Variants in CNTNAP2 observed in about 807,000 individuals in gnomAD.
CNTNAP2 encodes contactin-associated protein-like 2.
A neutral mutation model predicts 155.2 loss-of-function variants in CNTNAP2; 98 were observed. The observed-to-expected ratio is 0.63, with a 90% CI of 0.54 to 0.75. CNTNAP2 has a LOEUF of 0.75. Among genes scored for constraint, CNTNAP2 ranks in the 30% least tolerant of loss-of-function variants. The probability of loss-of-function intolerance (pLI) is 0.00; values close to 1 mark genes in which losing one functional copy is unlikely to be tolerated. For missense variants in CNTNAP2, 1,727 were observed against 1,688.1 expected, an observed-to-expected ratio of 1.02 and a Z score of -0.40; for synonymous variants, 651 against 631.2, an observed-to-expected ratio of 1.03 and a Z score of -0.47.
intron 1 of CNTNAP2, among the ~76,000 whole-genome samples, chr7:146,322,060 G>A (rs1184874612): frequency 1.3e-5 from 2 of 152,102 alleles, no homozygotes; most frequent in Non-Finnish European, 2.9e-5. Flanking sequence ...AGGCCACATG[G>A]AAATAAATTC....
intron 1 of CNTNAP2, among the ~76,000 whole-genome samples, chr7:146,254,649 T>C (rs896160761): frequency 1.3e-5 from 2 of 152,196 alleles, no homozygotes; most frequent in Non-Finnish European, 2.9e-5. Flanking sequence ...GGGAAAACAA[T>C]TTATTGTACC....
At chr7:147,556,240 A>C (rs1799950129) in intron 11 of CNTNAP2, among the ~76,000 whole-genome samples, 1 of 149,688 alleles carries the variant, frequency 6.7e-6, no homozygotes, top group Non-Finnish European at 1.5e-5. Context: ...CACTGGAAGC[A>C]CATTAGTTGC....
intron 1 of CNTNAP2, among the ~76,000 whole-genome samples, chr7:146,153,257 A>C (rs1370854233): frequency 2.0e-5 from 3 of 152,192 alleles, no homozygotes; most frequent in African/African-American, 4.8e-5. Context: ...ATTATTAACA[A>C]AACTAATTAT....
At position 148,415,790 on chromosome 7, in the gene CNTNAP2, A is replaced by AC. The variant is rs1799973389; in HGVS notation, c.*174_*175insC. ...TCTTGAGACTGATCACAAAAAAAAA[A>AC]ACCTTTTTAATATTTCTTTATAGCT... On this transcript the variant is annotated 3_prime_UTR_variant, in exon 24 of 24. Coordinates refer to ENST00000361727, the MANE Select transcript of CNTNAP2 (RefSeq NM_014141.6). 1.4e-6 allele frequency: 1 copy of AC among 706,272 alleles called. No individual in the cohort carries two copies. Among genetic ancestry groups the AC allele is most frequent in the South Asian group, 2.0e-5 (1 of 50,602 alleles). The allele number at this position is 706,272 out of a possible 1,614,324, so 43.8% of individuals were successfully genotyped here.
chr7:148,226,638 A>T (rs78879968), intron 19 of CNTNAP2, among the ~76,000 whole-genome samples: 1 of 19,392 alleles, frequency 5.2e-5, no homozygotes, highest in Non-Finnish European at 1.4e-4. Context: ...TGGAAAGGGG[A>T]AAAAAAATGC....
At chr7:147,489,362 G>A (rs1387604049) in intron 11 of CNTNAP2, among the ~76,000 whole-genome samples, 2 of 152,150 alleles carry the variant, frequency 1.3e-5, no homozygotes, top group Non-Finnish European at 2.9e-5. Context: ...CACAGGAAAG[G>A]GAAAGCCAGT....
chr7:147,824,841 G>A (rs148477103), intron 13 of CNTNAP2, among the ~76,000 whole-genome samples: 44 of 152,168 alleles, frequency 2.9e-4, no homozygotes, highest in African/African-American at 1.0e-3. Flanking sequence ...TTGTCTGGGG[G>A]ACACTAGAAA....
At chr7:146,563,214 G>T (rs1302544673) in intron 1 of CNTNAP2, among the ~76,000 whole-genome samples, 1 of 152,134 alleles carries the variant, frequency 6.6e-6, no homozygotes, top group Non-Finnish European at 1.5e-5. Flanking sequence ...CCTTAAATAT[G>T]ACCAATGCTG....
intron 12 of CNTNAP2, among the ~76,000 whole-genome samples, chr7:147,564,337 TTAATC>T (rs1432398938): frequency 6.6e-6 from 1 of 152,108 alleles, no homozygotes; most frequent in Non-Finnish European, 1.5e-5. Flanking sequence ...ACCAGAGAGA[TTAATC>T]TAAGAGTTCA....
chr7:147,738,575 T>C lies in CNTNAP2; in HGVS notation c.2098+99269T>C, dbSNP rs199929669. Among the ~76,000 whole-genome samples, 4 of 152,198 alleles carry C rather than the reference T, an allele frequency of 2.6e-5. No homozygotes were observed. In the East Asian group the frequency reaches 5.8e-4, roughly 22 times the overall value. On this transcript the variant is annotated intron_variant, in intron 13 of 23. Coordinates refer to ENST00000361727, the MANE Select transcript of CNTNAP2 (RefSeq NM_014141.6). ...ATTTTTTTAGCAATGAAGCATTTTT[T>C]AAATTAAGGTATGTACATTTTCTTG...
At chr7:148,293,775 C>G (rs567927596) in intron 21 of CNTNAP2, among the ~76,000 whole-genome samples, 1 of 152,114 alleles carries the variant, frequency 6.6e-6, no homozygotes, top group East Asian at 1.9e-4. Context: ...TGGCTCACAT[C>G]TGTAATCCCA....
chr7:146,330,056 C>G (rs1296213031), intron 1 of CNTNAP2, among the ~76,000 whole-genome samples: 1 of 92,110 alleles, frequency 1.1e-5, no homozygotes, highest in Admixed American at 1.7e-4. Flanking sequence ...GAGTTTCACT[C>G]TTGTTGCCCA....
intron 9 of CNTNAP2, among the ~76,000 whole-genome samples, chr7:147,375,917 G>C (rs1796425538): frequency 6.6e-6 from 1 of 151,958 alleles, no homozygotes; most frequent in Admixed American, 6.6e-5. Flanking sequence ...AGTTCTTCCA[G>C]GTTTGTGATT....
At chr7:147,008,053 A>G (rs1475704471) in intron 3 of CNTNAP2, among the ~76,000 whole-genome samples, 1 of 152,160 alleles carries the variant, frequency 6.6e-6, no homozygotes, top group Non-Finnish European at 1.5e-5. Context: ...ATTATCCACT[A>G]AGGAAACACC....
At chr7:147,605,486 G>T (rs776653250) in intron 12 of CNTNAP2, among the ~76,000 whole-genome samples, 4 of 152,116 alleles carry the variant, frequency 2.6e-5, no homozygotes, top group Non-Finnish European at 4.4e-5. Context: ...GTCGAGCAAA[G>T]GTTACCTTGT....
intron 1 of CNTNAP2, among the ~76,000 whole-genome samples, chr7:146,627,386 G>A (rs1033015296): frequency 1.3e-5 from 2 of 152,134 alleles, no homozygotes; most frequent in African/African-American, 4.8e-5. Context: ...ATTACTTCAT[G>A]TAAAATGAAA....
chr7:146,978,053 T>G (rs1300225822), intron 3 of CNTNAP2, among the ~76,000 whole-genome samples: 1 of 152,206 alleles, frequency 6.6e-6, no homozygotes, highest in African/African-American at 2.4e-5. Context: ...CCCTTGTTTC[T>G]TCCTGTAGAA....
At chr7:146,665,490 GAT>G (rs1290593085) in intron 1 of CNTNAP2, among the ~76,000 whole-genome samples, 1 of 151,472 alleles carries the variant, frequency 6.6e-6, no homozygotes, top group African/African-American at 2.4e-5. Flanking sequence ...GGGTTTTTAA[GAT>G]ACATTTCGGC....
At chr7:148,240,455 A>T (rs1796124956) in intron 20 of CNTNAP2, among the ~76,000 whole-genome samples, 2 of 152,220 alleles carry the variant, frequency 1.3e-5, no homozygotes, top group African/African-American at 4.8e-5. Context: ...TGATAAGGAC[A>T]CAGCACGTAA....
Sources: allele counts gnomAD v4.1 joint callset (sites outside exome capture counted in the v4.1 genomes callset), GRCh38; gene constraint gnomAD v4.1.1; transcripts MANE v1.5; gene names NCBI Gene and HGNC (gene_info 2026-07-23, HGNC 2026-07-21).